The following PRKDC variants were observed in gnomAD, a reference collection of about 807,000 sequenced individuals.
PRKDC encodes the protein DNA-dependent protein kinase catalytic subunit.
Under a neutral mutation model 486.9 loss-of-function variants are expected in PRKDC, and 82 were observed. The observed-to-expected ratio is 0.17, with a 90% CI of 0.14 to 0.20. The LOEUF (loss-of-function observed/expected upper bound fraction) is 0.20, where lower values mean the gene tolerates loss of function less well. Among genes scored for constraint, PRKDC ranks in the 10% least tolerant of loss-of-function variants. The pLI, the probability that PRKDC is intolerant of heterozygous loss-of-function variation, is 1.00. For missense variants in PRKDC, 4,504 were observed against 5,038.2 expected (o/e 0.89, Z 3.21); for synonymous variants, 1,895 against 1,837.0 (o/e 1.03, Z -0.81).
intron 70 of PRKDC, among the ~76,000 whole-genome samples, chr8:47,801,312 T>C (rs2087104742): frequency 2.0e-5 from 3 of 152,312 alleles, no homozygotes; most frequent in Non-Finnish European, 2.9e-5. Context: ...GCTCTAGCAA[T>C]CTGCCCACCT....
intron 68 of PRKDC, among the ~76,000 whole-genome samples, chr8:47,816,633 C>T (rs928253141): frequency 1.1e-4 from 16 of 152,112 alleles, no homozygotes; most frequent in East Asian, 5.8e-4. Context: ...ATCCAGCTTA[C>T]GCTCACAACC....
At chr8:47,936,632 T>C (rs2090357336) in intron 11 of PRKDC, 115 bp from the exon 12 acceptor site, 1 of 1,237,440 alleles carries the variant, frequency 8.1e-7, no homozygotes, top group African/African-American at 1.5e-5. Context: ...GCTTCTTTTT[T>C]TTTTGAGACG....
At chr8:47,808,294 T>G (rs2087256323) in intron 68 of PRKDC, among the ~76,000 whole-genome samples, 2 of 151,848 alleles carry the variant, frequency 1.3e-5, no homozygotes, top group Admixed American at 1.3e-4. Context: ...TACAGGTGCG[T>G]GCTACCGCAT....
At chr8:47,792,337 C>T (rs946596614) in intron 74 of PRKDC, among the ~76,000 whole-genome samples, 2 of 150,722 alleles carry the variant, frequency 1.3e-5, no homozygotes, top group African/African-American at 4.9e-5. Flanking sequence ...CGGCTCACTG[C>T]AAGCTCCGCC....
chr8:47,788,273 C>A (rs1589695823), intron 76 of PRKDC, among the ~76,000 whole-genome samples: 1 of 152,348 alleles, frequency 6.6e-6, no homozygotes, highest in African/African-American at 2.4e-5. Flanking sequence ...AAGGGCAAGT[C>A]TCCAGATGGA....
rs2089401624 is a variant in PRKDC, at chr8:47,889,176, A to G, written c.4118T>C (p.Val1373Ala). ...GCTTGCGGGCTCACACAGCGTCTGCACCAGGACTCTCATCAGGTGTGTATT... is the reference window on the plus strand; with the variant it reads ...GCTTGCGGGCTCACACAGCGTCTGCGCCAGGACTCTCATCAGGTGTGTATT... ...LCNTHLMRVL[V>A]QTLCEPASIG... is the part of the protein sequence containing the mutation. Residue 1373 changes from valine to alanine, a missense_variant, in exon 33 of 86, where the codon GTG becomes GCG. Coordinates refer to ENST00000314191, the MANE Select transcript of PRKDC (RefSeq NM_006904.7). The G allele has an allele frequency of 6.2e-7, 1 of 1,613,746 alleles. No homozygotes were observed. The highest frequency in any genetic ancestry group is 1.1e-5 in the South Asian group (1 of 91,082).
chr8:47,890,790 C>A (rs1205556302), intron 31 of PRKDC, among the ~76,000 whole-genome samples: 1 of 152,132 alleles, frequency 6.6e-6, no homozygotes, highest in Non-Finnish European at 1.5e-5. Context: ...ATGCCAATTT[C>A]TATCAAATGT....
rs1157901940 is a variant in PRKDC at position 47,935,627 on chromosome 8, T to C, written c.1447+105A>G. ...CCAAAATTTAGGAGTTCAAAAGTTG[T>C]GTCAAAGATACAAAAGAATTTGGTA... On this transcript the variant is annotated intron_variant, in intron 13 of 85. Coordinates refer to ENST00000314191, the MANE Select transcript of PRKDC (RefSeq NM_006904.7). The C allele has an allele frequency of 1.6e-5, 20 of 1,287,364 alleles. No individual in the cohort carries two copies. The Admixed American group carries it at 5.3e-4, about 34-fold the overall frequency. The allele number at this position is 1,287,364 out of a possible 1,614,324, so 79.7% of individuals were successfully genotyped here.
intron 76 of PRKDC, among the ~76,000 whole-genome samples, chr8:47,787,222 G>A (rs1563734084): frequency 6.6e-6 from 1 of 152,144 alleles, no homozygotes; most frequent in Non-Finnish European, 1.5e-5. Context: ...AATTAGAAAT[G>A]TTTTTACCAA....
At chr8:47,951,333 C>T (rs949970598) in intron 7 of PRKDC, among the ~76,000 whole-genome samples, 4 of 151,796 alleles carry the variant, frequency 2.6e-5, no homozygotes, top group Non-Finnish European at 5.9e-5. Flanking sequence ...TGCACTCCAG[C>T]CTGGGCAACA....
chr8:47,846,677 A>G (rs995581925), intron 54 of PRKDC, among the ~76,000 whole-genome samples: 1 of 152,208 alleles, frequency 6.6e-6, no homozygotes, highest in African/African-American at 2.4e-5. Context: ...AGAGAAAGAA[A>G]TAAAACATAT....
rs764358542 is a variant in PRKDC, at chr8:47,890,397, T to C, written c.3931A>G (p.Lys1311Glu). The change falls in exon 32 of 86, where the codon AAG (lysine) becomes GAG (glutamate). Residue 1311 changes from lysine (K) to glutamate (E), a missense_variant. Lys to Glu is a moderately conservative substitution (Grantham distance 56, BLOSUM62 1). Around this residue, in one of 6 missense-constraint regions of PRKDC, gnomAD observed 1,969 missense variants for 2,068.9 expected, o/e 0.95. Coordinates refer to ENST00000314191, the MANE Select transcript of PRKDC (RefSeq NM_006904.7). Reference sequence around the variant, plus strand: ...CCTGCTGCCCCAGTGCCAAAGCACTTTTCTGCTGCTATAATGTCATGCATG... The same window carrying C: ...CCTGCTGCCCCAGTGCCAAAGCACTCTTCTGCTGCTATAATGTCATGCATG... ...IAMHDIIAAE[K>E]CFGTGAAGNR... is the part of the protein sequence containing the mutation. The C allele has an allele frequency of 8.9e-5, 143 of 1,607,764 alleles. 1 individual carries two copies. The highest frequency in any genetic ancestry group is 2.2e-4 in the Admixed American group (13 of 58,986).
At position 47,929,837 on chromosome 8, in the gene PRKDC, T is replaced by C. The variant is rs1397976037; in HGVS notation, c.2052+16A>G. 4 of 1,587,442 alleles carry C rather than the reference T, an allele frequency of 2.5e-6. No homozygotes were observed. Among genetic ancestry groups the C allele is most frequent in the Middle Eastern group, 1.7e-4 (1 of 5,988 alleles). ...TAAAAAAACGCAAGATTCAACATCC[T>C]GCAAGAAAGACTCACCTCGAAATAT... On this transcript the variant is annotated intron_variant, in intron 18 of 85. Transcript: ENST00000314191.
chr8:47,810,253 T>G (rs994490683), intron 68 of PRKDC, among the ~76,000 whole-genome samples: 1 of 152,210 alleles, frequency 6.6e-6, no homozygotes, highest in Non-Finnish European at 1.5e-5. Flanking sequence ...TGGCTTCAGT[T>G]ACTGGAGATA....
chr8:47,830,565 T>C (rs761568354), intron 61 of PRKDC, 40 bp downstream of exon 61: 7 of 1,605,376 alleles, frequency 4.4e-6, no homozygotes, highest in Admixed American at 1.7e-5. Flanking sequence ...TGGAAACAGA[T>C]TTTAACCTGT....
chr8:47,864,883 G>A (rs2088771707), intron 40 of PRKDC, 120 bp from the exon 41 acceptor site: 1 of 897,578 alleles, frequency 1.1e-6, no homozygotes, highest in African/African-American at 1.7e-5. Context: ...ATAACTTTAA[G>A]GACTATATAT....
intron 7 of PRKDC, among the ~76,000 whole-genome samples, 156 bp from the exon 8 acceptor site, chr8:47,944,185 T>TA (rs1198565667): frequency 2.6e-5 from 4 of 152,208 alleles, no homozygotes; most frequent in African/African-American, 7.2e-5. Flanking sequence ...TGCAAGTTAT[T>TA]ACTGCTGCAC....
chr8:47,902,951 T>A (rs1447208181), intron 26 of PRKDC, among the ~76,000 whole-genome samples, 156 bp from the exon 27 acceptor site: 1 of 152,240 alleles, frequency 6.6e-6, no homozygotes, highest in Non-Finnish European at 1.5e-5. Flanking sequence ...CCAATCTCCA[T>A]AGTGTATCCA....
intron 37 of PRKDC, 84 bp downstream of exon 37, chr8:47,881,828 G>A (rs2089225866): frequency 8.3e-7 from 1 of 1,211,550 alleles, no homozygotes; most frequent in South Asian, 1.9e-5. Context: ...ATGAGCTTTT[G>A]GAGCAACCTC....
Sources: gnomAD v4.1 joint callset for allele counts (sites outside exome capture counted in the v4.1 genomes callset) on GRCh38, gnomAD v4.1.1 for gene constraint, gnomAD v4.1.1 regional missense constraint, MANE v1.5 for transcripts, NCBI Gene and HGNC (gene_info 2026-07-23, HGNC 2026-07-21) for gene names.